Variants in MYO18B observed in about 807,000 individuals in gnomAD.
The protein encoded by MYO18B is myosin XVIIIB, also known as unconventional myosin-XVIIIb.
Under a neutral mutation model 273.0 loss-of-function variants are expected in MYO18B, and 204 were observed. The ratio of observed to expected loss-of-function variants is 0.75; its 90% CI spans 0.67 to 0.84. The LOEUF is 0.84. MYO18B is among the 40% of genes least tolerant of loss of function. MYO18B has a pLI of 0.00. For missense variants in MYO18B, 3,212 were observed against 3,287.6 expected (o/e 0.98, Z 0.56); for synonymous variants, 1,330 against 1,305.7 (o/e 1.02, Z -0.40).
chr22:25,749,876 C>T (rs774314156), intron 1 of MYO18B, among the ~76,000 whole-genome samples: 6 of 152,226 alleles, frequency 3.9e-5, no homozygotes, highest in Non-Finnish European at 8.8e-5. Context: ...TTAAGGTTAA[C>T]AGTCAGCAAA....
intron 20 of MYO18B, among the ~76,000 whole-genome samples, chr22:25,850,717 A>G (rs1027831817): frequency 6.6e-6 from 1 of 152,120 alleles, no homozygotes; most frequent in Non-Finnish European, 1.5e-5. Context: ...GACTACAGGA[A>G]CGCACCACCA....
chr22:25,999,731 C>G (rs1323584319), intron 40 of MYO18B, among the ~76,000 whole-genome samples: 1 of 151,686 alleles, frequency 6.6e-6, no homozygotes, highest in Non-Finnish European at 1.5e-5. Context: ...TCTTGGCTCA[C>G]TGCAACCTCT....
chr22:25,748,336 G>A (rs2085842609), intron 1 of MYO18B, among the ~76,000 whole-genome samples: 1 of 152,182 alleles, frequency 6.6e-6, no homozygotes, highest in Non-Finnish European at 1.5e-5. Context: ...GTAGGACCTC[G>A]AGAAAGTCAC....
chr22:25,984,815 A>G (rs2093184188), intron 39 of MYO18B, among the ~76,000 whole-genome samples: 1 of 151,438 alleles, frequency 6.6e-6, no homozygotes, highest in East Asian at 1.9e-4. Flanking sequence ...AAAAAAAAAA[A>G]GTGTAGCAGA....
downstream of MYO18B, among the ~76,000 whole-genome samples, chr22:26,034,183 C>A (rs148544935): frequency 3.0e-3 from 461 of 152,324 alleles, 8 homozygotes; most frequent in East Asian, 0.012. Context: ...CTCTTTCCTA[C>A]AAGATGACTC....
intron 25 of MYO18B, among the ~76,000 whole-genome samples, chr22:25,884,053 C>A (rs1264763173): frequency 6.6e-6 from 1 of 152,124 alleles, no homozygotes; most frequent in African/African-American, 2.4e-5. Context: ...ATTTTCCCCC[C>A]AAGACCTTAT....
intron 39 of MYO18B, among the ~76,000 whole-genome samples, chr22:25,987,044 G>C (rs1569266468): frequency 6.6e-6 from 1 of 152,172 alleles, no homozygotes; most frequent in Non-Finnish European, 1.5e-5. Context: ...GAGATAGTCT[G>C]ATCTATAGTG....
intron 21 of MYO18B, among the ~76,000 whole-genome samples, chr22:25,862,817 G>T (rs757637332): frequency 4.2e-4 from 62 of 149,052 alleles, no homozygotes; most frequent in Non-Finnish European, 6.8e-4. Context: ...GGAATTCAAT[G>T]ACCCGCTAGG....
intron 33 of MYO18B, among the ~76,000 whole-genome samples, chr22:25,913,163 G>A (rs34427191): frequency 0.045 from 6,887 of 152,194 alleles, 343 homozygotes; most frequent in African/African-American, 0.12. Context: ...ATTAAATATC[G>A]CTCAGATTAT....
At position 25,974,313 on chromosome 22, in the gene MYO18B, G is replaced by A. The variant is rs188800634; in HGVS notation, c.6157-18050G>A. On this transcript the variant is annotated intron_variant, in intron 39 of 43. Coordinates refer to ENST00000335473, the MANE Select transcript of MYO18B (RefSeq NM_032608.7). Reference sequence around the variant, plus strand: ...AATAGAATCTTGAATCATTTGACACGCATAATATTAAAATCTTATTAAATT... The same window carrying A: ...AATAGAATCTTGAATCATTTGACACACATAATATTAAAATCTTATTAAATT... 5.7e-3 allele frequency among the ~76,000 whole-genome samples: 861 copies of A among 152,188 alleles called. 3 individuals carry two copies. Among genetic ancestry groups the A allele is most frequent in the African/African-American group, 0.02 (819 of 41,506 alleles).
intron 42 of MYO18B, among the ~76,000 whole-genome samples, chr22:26,018,847 T>C (rs1016250202): frequency 1.3e-5 from 2 of 152,078 alleles, no homozygotes; most frequent in Admixed American, 6.5e-5. Flanking sequence ...TCCCAGCTGC[T>C]TGGGAGGCTG....
intron 34 of MYO18B, among the ~76,000 whole-genome samples, chr22:25,937,512 G>A (rs2092593920): frequency 6.6e-6 from 1 of 151,668 alleles, no homozygotes; most frequent in South Asian, 2.1e-4. Flanking sequence ...ACTGTCTTAA[G>A]ATATTCTCCC....
At chr22:25,962,378 T>G (rs2092927409) in intron 39 of MYO18B, among the ~76,000 whole-genome samples, 1 of 152,208 alleles carries the variant, frequency 6.6e-6, no homozygotes, top group Non-Finnish European at 1.5e-5. Context: ...GGCTGCAACC[T>G]CCATATCAGA....
intron 12 of MYO18B, among the ~76,000 whole-genome samples, chr22:25,808,256 A>AC (rs1434215374): frequency 2.0e-5 from 3 of 152,080 alleles, no homozygotes; most frequent in African/African-American, 4.8e-5. Context: ...CCCAGGAATG[A>AC]CCTCTGTTAA....
At chr22:25,763,112 G>A (rs2086382792) in intron 2 of MYO18B, 119 bp from the exon 3 acceptor site, 3 of 1,185,860 alleles carry the variant, frequency 2.5e-6, no homozygotes, top group Non-Finnish European at 3.8e-6. Flanking sequence ...TCTCATACAT[G>A]GGCTTGGTCA....
In MYO18B at chr22:25,990,331, G is replaced by A. The variant is rs576122617; in HGVS notation, c.6157-2032G>A. Among the ~76,000 whole-genome samples the A allele has an allele frequency of 3.9e-5, 6 of 152,180 alleles. No homozygotes were observed. The South Asian group carries it at 1.2e-3, about 32-fold the overall frequency. Reference sequence around the variant, plus strand: ...CCCAGGGTTCAGATCCCAGCTCTGCGCCTTTCCTGAGTGACCTCGCTGACT... The same window carrying A: ...CCCAGGGTTCAGATCCCAGCTCTGCACCTTTCCTGAGTGACCTCGCTGACT... On this transcript the variant is annotated intron_variant, in intron 39 of 43. Transcript: ENST00000335473.
intron 33 of MYO18B, among the ~76,000 whole-genome samples, chr22:25,912,809 C>T (rs2092183875): frequency 1.3e-5 from 2 of 152,136 alleles, no homozygotes; most frequent in South Asian, 4.1e-4. Context: ...GAAACCATTC[C>T]CCGGGGTTTG....
At chr22:25,978,319 A>T (rs2093115156) in intron 39 of MYO18B, among the ~76,000 whole-genome samples, 3 of 152,288 alleles carry the variant, frequency 2.0e-5, no homozygotes, top group African/African-American at 2.4e-5. Context: ...TTGTCAGAGA[A>T]GGGATAAGGC....
intron 19 of MYO18B, 28 bp downstream of exon 19, chr22:25,846,311 C>G: frequency 2.5e-6 from 4 of 1,606,328 alleles, no homozygotes; most frequent in Non-Finnish European, 3.4e-6. Flanking sequence ...CTCATGGTGT[C>G]CTGGCCTTCA....
Sources: gnomAD v4.1 joint callset for allele counts (sites outside exome capture counted in the v4.1 genomes callset) on GRCh38, gnomAD v4.1.1 for gene constraint, MANE v1.5 for transcripts, NCBI Gene and HGNC (gene_info 2026-07-23, HGNC 2026-07-21) for gene names.